Variants in ZNF808 observed in about 807,000 individuals in gnomAD.
The protein encoded by ZNF808 is zinc finger protein 808.
In ZNF808, 5 loss-of-function variants were observed where a neutral mutation model predicts 8.7. That is an observed-to-expected ratio of 0.58 (90% confidence interval 0.30 to 1.21). The LOEUF is 1.21. Among genes scored for constraint, ZNF808 ranks in the 50% most tolerant of loss-of-function variants. ZNF808 has a pLI of 0.07. For missense variants in ZNF808, 1,103 were observed against 1,098.4 expected, an observed-to-expected ratio of 1.00 and a Z score of -0.06; for synonymous variants, 380 against 366.0, an observed-to-expected ratio of 1.04 and a Z score of -0.44.
chr19:52,561,128 C>T (rs553391924), downstream of ZNF808, among the ~76,000 whole-genome samples: 58 of 86,832 alleles, frequency 6.7e-4, 1 homozygote, highest in African/African-American at 2.2e-3. Context: ...CAGCTCAGCC[C>T]TTGTATCCCC....
chr19:52,545,665 C>G (rs1001723084), intron 3 of ZNF808, among the ~76,000 whole-genome samples: 2 of 151,896 alleles, frequency 1.3e-5, no homozygotes, highest in African/African-American at 2.4e-5. Flanking sequence ...CAAATCCTAG[C>G]TACTGGGGAG....
chr19:52,543,131 C>G (rs999170592), intron 2 of ZNF808, 135 bp from the exon 3 acceptor site: 3 of 851,406 alleles, frequency 3.5e-6, no homozygotes, highest in South Asian at 1.8e-5. Context: ...ACTTTCTTAC[C>G]TCTGCATGAT....
downstream of ZNF808, among the ~76,000 whole-genome samples, chr19:52,567,484 T>TA (rs2059875782): frequency 1.5e-4 from 8 of 54,502 alleles, no homozygotes; most frequent in African/African-American, 5.5e-4. Context: ...CCAGCTGTAT[T>TA]TTTTATTATT....
rs1246826156 is a variant in ZNF808, at chr19:52,554,957, TGTAAG to T, written c.2044_2048del (p.Lys682LeufsTer2). 3 of 1,614,222 alleles carry T rather than the reference TGTAAG, an allele frequency of 1.9e-6. No homozygotes were observed. The highest frequency in any genetic ancestry group is 2.2e-5 in the East Asian group (1 of 44,884). On this transcript the variant is annotated frameshift_variant, in exon 5 of 5. Transcript: ENST00000359798. LOFTEE classifies it low-confidence loss of function (END_TRUNC). ...TCATGGTGGAGAGAAATCTTACAAA[TGTAAG>T]GTTTGTGACAAGGCTTTCGTGTGTC...
intron 2 of ZNF808, among the ~76,000 whole-genome samples, chr19:52,543,060 C>CA (rs1209088148): frequency 1.7e-4 from 26 of 152,116 alleles, no homozygotes; most frequent in African/African-American, 5.5e-4. Flanking sequence ...GCGGCTTCTC[C>CA]ATGAAGGGAG....
chr19:52,528,132 C>T (rs528000827), intron 1 of ZNF808, among the ~76,000 whole-genome samples: 1 of 152,238 alleles, frequency 6.6e-6, no homozygotes, highest in East Asian at 1.9e-4. Context: ...TGGGATCTTG[C>T]AGACCCCATC....
chr19:52,552,123 T>G (rs2059782999), intron 4 of ZNF808, among the ~76,000 whole-genome samples: 1 of 151,938 alleles, frequency 6.6e-6, no homozygotes, highest in South Asian at 2.1e-4. Context: ...GTTCATACCA[T>G]TCTCCTGCCA....
downstream of ZNF808, among the ~76,000 whole-genome samples, chr19:52,558,949 C>T (rs1282604621): frequency 2.0e-5 from 3 of 152,184 alleles, no homozygotes; most frequent in Non-Finnish European, 2.9e-5. Flanking sequence ...AAAGTCATCA[C>T]CACTCCTTAC....
At chr19:52,530,387 G>A (rs1350299092) in intron 1 of ZNF808, among the ~76,000 whole-genome samples, 1 of 152,082 alleles carries the variant, frequency 6.6e-6, no homozygotes, top group Non-Finnish European at 1.5e-5. Context: ...GGGACATCAA[G>A]GCATGGTGGC....
chr19:52,561,158 TTCTC>T (rs1191860993), downstream of ZNF808, among the ~76,000 whole-genome samples: 713 of 51,482 alleles, frequency 0.014, 2 homozygotes, highest in African/African-American at 0.027. Context: ...CTTCTATCTG[TTCTC>T]TCTCTCTCTC....
At chr19:52,564,358 T>A in exon 4 of ZNF808, 1 of 527,564 alleles carries the variant, frequency 1.9e-6, no homozygotes. Flanking sequence ...TTTTTTTCTC[T>A]CTGAATCTGT....
At chr19:52,558,012 T>G, downstream of ZNF808, among the ~76,000 whole-genome samples, 1 of 123,346 alleles carries the variant, frequency 8.1e-6, no homozygotes, top group Non-Finnish European at 1.7e-5. Flanking sequence ...CGCGTCTAGG[T>G]GTGGCTTTTT....
Position 52,537,363 on chromosome 19 carries a change from T to A in ZNF808, c.-20+4354T>A, listed in dbSNP as rs113584345. Among the ~76,000 whole-genome samples the A allele has an allele frequency of 3.5e-4, 53 of 149,982 alleles. 1 individual carries two copies. Among genetic ancestry groups the A allele is most frequent in the African/African-American group, 1.2e-3 (50 of 40,870 alleles). ...AGAGAGAAGGGGAGAATGAGAGATA[T>A]GTACAGAATTAGAGAGGGAAGCACA... On this transcript the variant is annotated intron_variant, in intron 2 of 4. Transcript: ENST00000359798.
intron 1 of ZNF808, among the ~76,000 whole-genome samples, chr19:52,528,946 G>A (rs888260603): frequency 6.8e-6 from 1 of 145,990 alleles, no homozygotes; most frequent in African/African-American, 2.8e-5. Context: ...AGGGAAGAAG[G>A]GGGATAAACA....
intron 2 of ZNF808, among the ~76,000 whole-genome samples, chr19:52,537,166 A>G (rs993195789): frequency 6.8e-6 from 1 of 146,018 alleles, no homozygotes; most frequent in African/African-American, 2.6e-5. Flanking sequence ...AGCCTGGGCA[A>G]CAAGAGTGAA....
chr19:52,528,179 C>G (rs1373781918), intron 1 of ZNF808, among the ~76,000 whole-genome samples: 2 of 152,168 alleles, frequency 1.3e-5, no homozygotes, highest in African/African-American at 4.8e-5. Flanking sequence ...CTCCCACCTC[C>G]CTACTCGTGC....
intron 2 of ZNF808, among the ~76,000 whole-genome samples, chr19:52,541,168 T>C (rs2059666443): frequency 6.6e-6 from 1 of 152,012 alleles, no homozygotes; most frequent in Non-Finnish European, 1.5e-5. Context: ...GCCAGGATGA[T>C]CTTGAACTCC....
chr19:52,531,359 C>G (rs2059560374), intron 1 of ZNF808, among the ~76,000 whole-genome samples: 2 of 150,252 alleles, frequency 1.3e-5, no homozygotes, highest in Admixed American at 6.6e-5. Flanking sequence ...GCTGTAATCT[C>G]AGCTACTCGG....
chr19:52,547,542 G>C lies in ZNF808; in HGVS notation c.94G>C (p.Glu32Gln). Reference sequence around the variant, plus strand: ...CTTGACTTTCAGGGATGTGGCTATAGAATTCTCATTGGCAGAGTGGAAATT... The same window carrying C: ...CTTGACTTTCAGGGATGTGGCTATACAATTCTCATTGGCAGAGTGGAAATT... ...GRLTFRDVAI[E>Q]FSLAEWKFLN... Residue 32 changes from glutamate (E) to glutamine (Q), a missense_variant, in exon 4 of 5, where the codon GAA becomes CAA. Transcript: ENST00000359798. 1 of 1,614,006 alleles carries C rather than the reference G, an allele frequency of 6.2e-7. No homozygotes were observed. The highest frequency in any genetic ancestry group is 8.5e-7 in the Non-Finnish European group (1 of 1,179,980).
Sources: allele counts gnomAD v4.1 joint callset (sites outside exome capture counted in the v4.1 genomes callset), GRCh38; gene constraint gnomAD v4.1.1; transcripts MANE v1.5; gene names NCBI Gene and HGNC (gene_info 2026-07-23, HGNC 2026-07-21).